Variants in ZNF541 observed in about 807,000 individuals in gnomAD.
The protein encoded by ZNF541 is zinc finger protein 541.
A neutral mutation model predicts 123.5 loss-of-function variants in ZNF541; 23 were observed. The observed-to-expected ratio is 0.19, with a 90% CI of 0.13 to 0.26. ZNF541 has a LOEUF of 0.26. Ranked by LOEUF, ZNF541 falls within the 10% of genes least tolerant of loss-of-function variation. The pLI, the probability that ZNF541 is intolerant of heterozygous loss-of-function variation, is 1.00. For missense variants in ZNF541, 1,612 were observed against 1,789.9 expected (o/e 0.90, Z 1.79); for synonymous variants, 751 against 754.5 (o/e 1.00, Z 0.08).
intron 3 of ZNF541, among the ~76,000 whole-genome samples, chr19:47,555,057 G>A (rs1455849998): frequency 1.4e-5 from 2 of 147,394 alleles, no homozygotes; most frequent in Non-Finnish European, 3.0e-5. Context: ...ATGCACCACT[G>A]TACTCTGCCT....
At position 47,555,966 on chromosome 19, in the gene ZNF541, G is replaced by T; in HGVS notation, c.-98-12C>A. On this transcript the variant is annotated splice_polypyrimidine_tract_variant and intron_variant, in intron 2 of 16. Transcript: ENST00000391901. ...ATGGCAACTAATTCCTGAAAATGAA[G>T]CAAGAAGAATGAAAGTTATTAGGTG... 8.6e-7 allele frequency: 1 copy of T among 1,165,006 alleles called. No individual in the cohort carries two copies. Among genetic ancestry groups the T allele is most frequent in the Non-Finnish European group, 1.2e-6 (1 of 840,566 alleles). The allele number at this position is 1,165,006 out of a possible 1,614,324, so 72.2% of individuals were successfully genotyped here.
At chr19:47,562,468 C>T (rs1045836244) in intron 2 of ZNF541, among the ~76,000 whole-genome samples, 5 of 151,824 alleles carry the variant, frequency 3.3e-5, no homozygotes, top group East Asian at 3.9e-4. Context: ...CGCTTGAACC[C>T]GGGAGATGGA....
rs138713781 is a variant in ZNF541 at position 47,548,167 on chromosome 19, G to A, written c.548+1078C>T. On this transcript the variant is annotated intron_variant, in intron 4 of 16. Coordinates refer to ENST00000391901, the MANE Select transcript of ZNF541 (RefSeq NM_001277075.3). ...AGAAAAGAAAAACAAAGCTGGGGCC[G>A]GGTGCGGTGGCTCACGCTTGTAATC... Among the ~76,000 whole-genome samples, 19 of 151,000 alleles carry A rather than the reference G, an allele frequency of 1.3e-4. No individual in the cohort carries two copies. In the South Asian group the frequency reaches 1.7e-3, roughly 13 times the overall value.
intron 4 of ZNF541, among the ~76,000 whole-genome samples, 184 bp from the exon 5 acceptor site, chr19:47,546,164 G>A (rs1670622487): frequency 6.7e-6 from 1 of 149,468 alleles, no homozygotes; most frequent in African/African-American, 2.5e-5. Context: ...TGGCAGGGGA[G>A]TTCCTCTCCC....
intron 6 of ZNF541, among the ~76,000 whole-genome samples, chr19:47,540,661 A>C (rs1038640681): frequency 7.9e-5 from 12 of 152,268 alleles, no homozygotes; most frequent in Admixed American, 7.2e-4. Context: ...GCTGGTCTCG[A>C]ATTCCTGACC....
In ZNF541 at chr19:47,545,613, C is replaced by T. The variant is rs1267293417; in HGVS notation, c.916G>A (p.Ala306Thr). ...CCCGATGAGGCGGGGCAGGGACAGG[C>T]AGTGTTCCTCCCTTCGCTGTCTGAA... ...GASDSEGRNT[A>T]CPCPASSGSS... The change falls in exon 5 of 17, where the codon GCC becomes ACC. Residue 306 changes from alanine (A) to threonine (T), a missense_variant. Physicochemically the swap from Ala to Thr is moderately conservative, Grantham distance 58. Transcript: ENST00000391901. This position sits in a 1 kb window ranked among gnomAD's most constrained non-coding sequence, Gnocchi z 7.5. The T allele has an allele frequency of 1.3e-6, 2 of 1,549,560 alleles. No homozygotes were observed. The highest frequency in any genetic ancestry group is 1.7e-6 in the Non-Finnish European group (2 of 1,146,204).
intron 14 of ZNF541, 61 bp from the exon 15 acceptor site, chr19:47,522,055 G>A (rs1969061043): frequency 1.3e-6 from 2 of 1,538,916 alleles, no homozygotes; most frequent in Non-Finnish European, 1.7e-6. Context: ...GTGTGACCTT[G>A]CCATTGGGCC....
chr19:47,545,427 G>C lies in ZNF541; in HGVS notation c.1102C>G (p.Pro368Ala). 1 of 1,484,036 alleles carries C rather than the reference G, an allele frequency of 6.7e-7. No individual in the cohort carries two copies. Among genetic ancestry groups the C allele is most frequent in the East Asian group, 2.5e-5 (1 of 40,268 alleles). 91.9% of individuals were successfully genotyped at this position (1,484,036 alleles called of 1,614,324 possible). The change falls in exon 5 of 17, where the codon CCG (proline) becomes GCG (alanine). Residue 368 changes from proline (P) to alanine (A), a missense_variant. Physicochemically the swap from Pro to Ala is conservative, Grantham distance 27. Around this residue, in one of 5 missense-constraint regions of ZNF541, gnomAD observed 1,080 missense variants for 1,013.8 expected, o/e 1.07. Transcript: ENST00000391901. This position sits in a 1 kb window ranked among gnomAD's most constrained non-coding sequence, Gnocchi z 7.5. ...TGGAGCAGCGCGGTATCTGGCTCCG[G>C]CTCTGGCGGGTCGGGGGCGCCGTTC... Reference protein sequence around the residue: ...AENGAPDPPEPEPDTALLQAR... With the variant: ...AENGAPDPPEAEPDTALLQAR...
intron 14 of ZNF541, among the ~76,000 whole-genome samples, chr19:47,527,487 C>T (rs946510134): frequency 3.9e-5 from 6 of 151,994 alleles, no homozygotes; most frequent in African/African-American, 1.4e-4. Flanking sequence ...CCTTCACCTC[C>T]TATGCTCAAG....
In ZNF541 at chr19:47,538,194, G is replaced by A. The variant is rs1293181875; in HGVS notation, c.3042C>T (p.Leu1014=). The part of the protein sequence containing the change: ...REGSGVYFNT[L]CSTSTQASPD... ...GGCTGGCCTGAGTGGACGTGGAACA[G>A]AGGGTGTTGAAGTACACCCCAGAGC... Residue 1014 remains leucine, a synonymous_variant, in exon 9 of 17, where the codon CTC becomes CTT. Coordinates refer to ENST00000391901, the MANE Select transcript of ZNF541 (RefSeq NM_001277075.3). 1 of 1,551,574 alleles carries A rather than the reference G, an allele frequency of 6.4e-7. No individual in the cohort carries two copies. The highest frequency in any genetic ancestry group is 2.4e-5 in the East Asian group (1 of 40,914).
chr19:47,530,143 T>C lies in ZNF541; in HGVS notation c.3406-491A>G, dbSNP rs190640138. Among the ~76,000 whole-genome samples, 12 of 151,808 alleles carry C rather than the reference T, an allele frequency of 7.9e-5. No individual in the cohort carries two copies. In the East Asian group the frequency reaches 2.1e-3, roughly 27 times the overall value. ...AGCCAGGAATACAGGTGGGTACCACTGTACCCAGCTAGCTAACAATTTTCT... is the reference window on the plus strand; with the variant it reads ...AGCCAGGAATACAGGTGGGTACCACCGTACCCAGCTAGCTAACAATTTTCT... On this transcript the variant is annotated intron_variant, in intron 12 of 16. Coordinates refer to ENST00000391901, the MANE Select transcript of ZNF541 (RefSeq NM_001277075.3).
intron 9 of ZNF541, among the ~76,000 whole-genome samples, chr19:47,537,590 GAC>G (rs1202812230): frequency 2.9e-5 from 4 of 139,446 alleles, no homozygotes; most frequent in African/African-American, 1.1e-4. Context: ...AAAAGGAAAT[GAC>G]ACAGACTGGA....
rs1970209017 is a variant in ZNF541, at chr19:47,544,262, C to T, written c.2267G>A (p.Gly756Asp). 3 of 1,551,474 alleles carry T rather than the reference C, an allele frequency of 1.9e-6. No homozygotes were observed. The highest frequency in any genetic ancestry group is 3.9e-5 in the Admixed American group (2 of 50,994). ...LGNPRAPRFS[G>D]FRKEKAKMDM... Reference sequence around the variant, plus strand: ...CATCTTCGCCTTCTCTTTCCGGAAGCCGGAGAATCGCGGGGCCCTGGGGTT... The same window carrying T: ...CATCTTCGCCTTCTCTTTCCGGAAGTCGGAGAATCGCGGGGCCCTGGGGTT... Residue 756 changes from glycine (G) to aspartate (D), a missense_variant, in exon 5 of 17, where the codon GGC (glycine) becomes GAC (aspartate). Transcript: ENST00000391901.
At chr19:47,559,563 CTT>C (rs1279540458) in intron 2 of ZNF541, among the ~76,000 whole-genome samples, 1 of 151,574 alleles carries the variant, frequency 6.6e-6, no homozygotes, top group Non-Finnish European at 1.5e-5. Context: ...AAAAAGGTGA[CTT>C]TGATGTTTGA....
chr19:47,538,646 A>C, intron 8 of ZNF541: 1 of 536,590 alleles, frequency 1.9e-6, no homozygotes, highest in South Asian at 3.0e-5. Context: ...TCCTGCACCC[A>C]CTGCCCCAGC....
intron 2 of ZNF541, among the ~76,000 whole-genome samples, chr19:47,567,113 T>C (rs1971296998): frequency 6.6e-6 from 1 of 152,024 alleles, no homozygotes; most frequent in African/African-American, 2.4e-5. Flanking sequence ...GATAGAGCAC[T>C]AGAGCATCAC....
At chr19:47,558,675 C>T (rs1970932700) in intron 2 of ZNF541, among the ~76,000 whole-genome samples, 1 of 150,488 alleles carries the variant, frequency 6.6e-6, no homozygotes, top group Non-Finnish European at 1.5e-5. Context: ...CTCACTGCAT[C>T]CTCCGCCTCC....
intron 9 of ZNF541, among the ~76,000 whole-genome samples, chr19:47,535,782 G>C (rs547402519): frequency 6.6e-6 from 1 of 151,794 alleles, no homozygotes; most frequent in East Asian, 1.9e-4. Flanking sequence ...AAGTGAAATG[G>C]CATGGTCTCG....
intron 2 of ZNF541, among the ~76,000 whole-genome samples, chr19:47,567,549 C>T (rs922638118): frequency 1.3e-5 from 2 of 152,228 alleles, no homozygotes; most frequent in African/African-American, 2.4e-5. Context: ...CGTGCGCCAC[C>T]GCGCCTGGCC....
Sources: gnomAD v4.1 joint callset for allele counts (sites outside exome capture counted in the v4.1 genomes callset) on GRCh38, gnomAD v4.1.1 for gene constraint, gnomAD v4.1.1 regional missense constraint, Gnocchi (gnomAD v3.1) non-coding constraint, MANE v1.5 for transcripts, NCBI Gene and HGNC (gene_info 2026-07-23, HGNC 2026-07-21) for gene names.